The following HMGCLL1 variants were observed in gnomAD, a reference collection of about 807,000 sequenced individuals.
HMGCLL1 encodes 3-hydroxymethyl-3-methylglutaryl-CoA lyase, cytoplasmic.
In HMGCLL1, 36 loss-of-function variants were observed where a neutral mutation model predicts 39.1. That is an observed-to-expected ratio of 0.92 (90% CI 0.71 to 1.22). HMGCLL1 has a LOEUF of 1.22. HMGCLL1 is among the 50% of genes most tolerant of loss of function. The pLI is 0.00. For missense variants in HMGCLL1, 451 were observed against 416.5 expected, an observed-to-expected ratio of 1.08 and a Z score of -0.72; for synonymous variants, 149 against 144.0, an observed-to-expected ratio of 1.03 and a Z score of -0.25.
chr6:55,503,504 A>C (rs1439145726), intron 5 of HMGCLL1, among the ~76,000 whole-genome samples: 2 of 150,358 alleles, frequency 1.3e-5, no homozygotes, highest in Non-Finnish European at 3.0e-5. Flanking sequence ...GCTAGGTGAT[A>C]TGTTTTAAAA....
At chr6:55,671,813 T>C in the HMGCLL1 span, among the ~76,000 whole-genome samples, 1 of 151,780 alleles carries the variant, frequency 6.6e-6, no homozygotes, top group African/African-American at 2.4e-5. Flanking sequence ...TAGTCCATTA[T>C]TAGGGTATTG....
chr6:55,478,018 C>T (rs1391692688), intron 7 of HMGCLL1, among the ~76,000 whole-genome samples: 2 of 149,932 alleles, frequency 1.3e-5, no homozygotes, highest in African/African-American at 2.5e-5. Context: ...TATAACTAAC[C>T]TATAAAGCAT....
chr6:55,477,785 C>T (rs9296783), intron 7 of HMGCLL1, among the ~76,000 whole-genome samples: 30,868 of 149,686 alleles, frequency 0.21, 3,503 homozygotes, highest in African/African-American at 0.27. Context: ...TGTGATGTTA[C>T]ATTTTTATAC....
At chr6:55,622,935 A>G in the HMGCLL1 span, among the ~76,000 whole-genome samples, 1 of 151,960 alleles carries the variant, frequency 6.6e-6, no homozygotes, top group Non-Finnish European at 1.5e-5. Flanking sequence ...CTTTGATCTC[A>G]TTACTTGATA....
intron 3 of HMGCLL1, among the ~76,000 whole-genome samples, chr6:55,531,374 T>A (rs1768659654): frequency 6.6e-6 from 1 of 152,154 alleles, no homozygotes; most frequent in Admixed American, 6.5e-5. Flanking sequence ...TATTTGGGTT[T>A]TAAACAATTA....
intron 3 of HMGCLL1, among the ~76,000 whole-genome samples, chr6:55,524,433 T>C (rs1490856692): frequency 1.4e-5 from 2 of 147,150 alleles, no homozygotes; most frequent in Middle Eastern, 3.5e-3. Flanking sequence ...TATTTTCCTA[T>C]ATAATGTTGT....
At chr6:55,567,184 G>GT (rs1430337278) in intron 1 of HMGCLL1, among the ~76,000 whole-genome samples, 1 of 151,988 alleles carries the variant, frequency 6.6e-6, no homozygotes, top group Non-Finnish European at 1.5e-5. Flanking sequence ...TACTTCAAAA[G>GT]TATTGAGGTT....
At chr6:55,451,120 T>C (rs1311445697) in intron 7 of HMGCLL1, among the ~76,000 whole-genome samples, 2 of 151,928 alleles carry the variant, frequency 1.3e-5, no homozygotes, top group East Asian at 1.9e-4. Context: ...GGAAGAGAAG[T>C]AGGAAGAGAA....
the HMGCLL1 span, among the ~76,000 whole-genome samples, chr6:55,628,417 C>G: frequency 6.6e-6 from 1 of 150,934 alleles, no homozygotes; most frequent in African/African-American, 2.4e-5. Flanking sequence ...TTCTCCCTGC[C>G]TCAGCCTCCT....
intron 1 of HMGCLL1, among the ~76,000 whole-genome samples, chr6:55,570,635 T>C (rs1356948806): frequency 1.3e-5 from 2 of 152,194 alleles, no homozygotes; most frequent in Non-Finnish European, 2.9e-5. Flanking sequence ...GTTTATTCAA[T>C]GTCCTGGTGG....
chr6:55,597,850 C>T, the HMGCLL1 span, among the ~76,000 whole-genome samples: 9 of 152,012 alleles, frequency 5.9e-5, no homozygotes, highest in Non-Finnish European at 1.3e-4. Flanking sequence ...GACTTATTAG[C>T]TTGGTAAGAC....
intron 7 of HMGCLL1, among the ~76,000 whole-genome samples, chr6:55,489,530 C>A (rs1362197342): frequency 1.3e-5 from 2 of 151,720 alleles, no homozygotes; most frequent in Admixed American, 1.3e-4. Context: ...ATAAGGCTTT[C>A]TTTTCTCGAA....
chr6:55,632,393 A>T, the HMGCLL1 span, among the ~76,000 whole-genome samples: 1 of 150,496 alleles, frequency 6.6e-6, no homozygotes, highest in Non-Finnish European at 1.5e-5. Flanking sequence ...AACATATTTT[A>T]ATATATATTA....
At chr6:55,437,153 T>C (rs1502207) in intron 8 of HMGCLL1, among the ~76,000 whole-genome samples, 64,125 of 151,772 alleles carry the variant, frequency 0.42, 13,658 homozygotes, top group African/African-American at 0.47. Flanking sequence ...GGCTTTTCTC[T>C]ACCATTTTAT....
At chr6:55,598,078 G>C in the HMGCLL1 span, among the ~76,000 whole-genome samples, 1 of 152,078 alleles carries the variant, frequency 6.6e-6, no homozygotes. Flanking sequence ...ACTAATCATA[G>C]CTCAAGTCAT....
chr6:55,676,106 T>G, the HMGCLL1 span, among the ~76,000 whole-genome samples: 1 of 152,154 alleles, frequency 6.6e-6, no homozygotes, highest in Non-Finnish European at 1.5e-5. Context: ...CACTACATAT[T>G]TTTAGAATTT....
intron 7 of HMGCLL1, among the ~76,000 whole-genome samples, chr6:55,462,147 T>C (rs1165900944): frequency 6.6e-6 from 1 of 152,174 alleles, no homozygotes; most frequent in Non-Finnish European, 1.5e-5. Context: ...AGGAAGACTA[T>C]ATGACAATAC....
the HMGCLL1 span, among the ~76,000 whole-genome samples, chr6:55,646,286 T>C: frequency 6.6e-6 from 1 of 151,840 alleles, no homozygotes; most frequent in Non-Finnish European, 1.5e-5. Flanking sequence ...TTCTTTTTTC[T>C]TTCTTAGTTA....
At chr6:55,603,419 A>G in the HMGCLL1 span, among the ~76,000 whole-genome samples, 2 of 151,370 alleles carry the variant, frequency 1.3e-5, no homozygotes, top group Non-Finnish European at 2.9e-5. Context: ...GGTATTTGTG[A>G]GCACTCTTGC....
Sources: allele counts gnomAD v4.1 joint callset (sites outside exome capture counted in the v4.1 genomes callset), GRCh38; gene constraint gnomAD v4.1.1; transcripts MANE v1.5; gene names NCBI Gene and HGNC (gene_info 2026-07-23, HGNC 2026-07-21).